ERFE: variants seen among roughly 807,000 people sequenced by gnomAD.
ERFE encodes erythroferrone, also known as complement C1q tumor necrosis factor-related protein 15.
In ERFE, 25 loss-of-function variants were observed where a neutral mutation model predicts 26.6. The observed-to-expected ratio is 0.94, with a 90% confidence interval of 0.69 to 1.31. The LOEUF (loss-of-function observed/expected upper bound fraction) is 1.31, where lower values mean the gene tolerates loss of function less well. Among genes scored for constraint, ERFE ranks in the 40% most tolerant of loss-of-function variants. ERFE has a pLI of 0.00. For synonymous variants in ERFE, 206 were observed against 204.5 expected (o/e 1.01, Z -0.06); for missense variants, 447 against 440.2 (o/e 1.02, Z -0.14).
At chr2:238,166,611 G>A (rs1693039270) in intron 7 of ERFE, among the ~76,000 whole-genome samples, 1 of 152,228 alleles carries the variant, frequency 6.6e-6, no homozygotes, top group Non-Finnish European at 1.5e-5. Context: ...ACTGCCTGTG[G>A]GGAAGGGCCA....
intron 3 of ERFE, among the ~76,000 whole-genome samples, chr2:238,163,377 G>T (rs1243366245): frequency 1.3e-5 from 2 of 152,238 alleles, no homozygotes; most frequent in Admixed American, 1.3e-4. Context: ...TCAATGTCCT[G>T]TTCGTTTAAA....
chr2:238,163,671 G>T (rs1692975655), intron 3 of ERFE, 66 bp from the exon 4 acceptor site: 3 of 1,255,762 alleles, frequency 2.4e-6, no homozygotes, highest in Non-Finnish European at 3.0e-6. Flanking sequence ...TGTCGTTCAG[G>T]GCTGGACCCA....
In ERFE at chr2:238,162,738, C is replaced by T. The variant is rs1433729964; in HGVS notation, c.324C>T (p.Phe108=). The T allele has an allele frequency of 4.0e-5, 62 of 1,543,494 alleles. No homozygotes were observed. The highest frequency in any genetic ancestry group is 1.4e-4 in the Admixed American group (7 of 50,974). The part of the protein sequence containing the change: ...RSRGKAKKLK[F]GLPGPPGPPG... ...TCACTGCCAAGGTTCCCTTTCAGTTCGGCTTGCCAGGGCCCCCTGGGCCTC... is the reference window on the plus strand; with the variant it reads ...TCACTGCCAAGGTTCCCTTTCAGTTTGGCTTGCCAGGGCCCCCTGGGCCTC... Residue 108 remains phenylalanine, a splice_region_variant and synonymous_variant, in exon 3 of 8, where the codon TTC becomes TTT. Coordinates refer to ENST00000546354, the MANE Select transcript of ERFE (RefSeq NM_001291832.2).
At position 238,165,690 on chromosome 2, in the gene ERFE, T is replaced by C. The variant is rs1693023159; in HGVS notation, c.966+6T>C. 1.7e-5 allele frequency: 27 copies of C among 1,546,000 alleles called. No homozygotes were observed. Among genetic ancestry groups the C allele is most frequent in the Non-Finnish European group, 2.3e-5 (26 of 1,143,552 alleles). On this transcript the variant is annotated splice_donor_region_variant and intron_variant, in intron 7 of 7. Transcript: ENST00000546354. ...ATGGCGTCCTGTACCTGCAGGTGAGTGCGGCAGGCTTGGGCATCGAGGGGC... is the reference window on the plus strand; with the variant it reads ...ATGGCGTCCTGTACCTGCAGGTGAGCGCGGCAGGCTTGGGCATCGAGGGGC...
Position 238,163,751 on chromosome 2 carries a change from C to G in ERFE, c.439C>G (p.Arg147Gly). 1 of 1,346,990 alleles carries G rather than the reference C, an allele frequency of 7.4e-7. No homozygotes were observed. Among genetic ancestry groups the G allele is most frequent in the Non-Finnish European group, 9.5e-7 (1 of 1,054,462 alleles). The allele number at this position is 1,346,990 out of a possible 1,614,324, so 83.4% of individuals were successfully genotyped here. The change falls in exon 4 of 8, where the codon CGG becomes GGG. Residue 147 changes from arginine to glycine, a missense_variant. Arg to Gly is a moderately radical substitution (Grantham distance 125, BLOSUM62 -2). Coordinates refer to ENST00000546354, the MANE Select transcript of ERFE (RefSeq NM_001291832.2). ...CTCTGTGCCAGGTGCGGTGCGGCAGCGGGAGCGCGCGGAGCCCGAACCCTG... is the reference window on the plus strand; with the variant it reads ...CTCTGTGCCAGGTGCGGTGCGGCAGGGGGAGCGCGCGGAGCCCGAACCCTG... ...QLLLKGAVRQ[R>G]ERAEPEPCTC...
chr2:238,165,454 G>A (rs1195542328), intron 6 of ERFE, 152 bp from the exon 7 acceptor site: 1 of 625,036 alleles, frequency 1.6e-6, no homozygotes. Context: ...CTCCTCTTGG[G>A]GACTCGGTTC....
chr2:238,164,401 C>T (rs1409053996), intron 6 of ERFE, 41 bp downstream of exon 6: 14 of 1,530,410 alleles, frequency 9.1e-6, no homozygotes, highest in South Asian at 2.4e-5. Flanking sequence ...CGCATTCGCT[C>T]GGCCTCCACA....
At position 238,167,413 on chromosome 2, in the gene ERFE, C is replaced by CTT. The variant is rs1208223576; in HGVS notation, c.*362_*363dup. 1 of 542,276 alleles carries CTT rather than the reference C, an allele frequency of 1.8e-6. No homozygotes were observed. Among genetic ancestry groups the CTT allele is most frequent in the African/African-American group, 1.9e-5 (1 of 53,274 alleles). 33.6% of individuals were successfully genotyped at this position (542,276 alleles called of 1,614,324 possible). A position where few individuals can be genotyped will look rare whatever the true frequency, so the allele number is the denominator to read the frequency against. ...GCGTCTTTCCTGTGCCCAGCCCCAC[C>CTT]TTTTCCACCTCTCTTCATGTTCTCA... On this transcript the variant is annotated 3_prime_UTR_variant, in exon 8 of 8. Transcript: ENST00000546354.
rs1424000713 is a variant in ERFE, at chr2:238,168,813, ATC to A, written c.*1763_*1764del. On this transcript the variant is annotated 3_prime_UTR_variant, in exon 8 of 8. Coordinates refer to ENST00000546354, the MANE Select transcript of ERFE (RefSeq NM_001291832.2). ...ACTCTTGTAAAAGCCACATATCCAC[ATC>A]TCTTTCATTTTTCTCAGTGTGTTAT... 3.9e-5 allele frequency: 3 copies of A among 76,244 alleles called. No homozygotes were observed. Among genetic ancestry groups the A allele is most frequent in the Non-Finnish European group, 7.5e-5 (3 of 39,784 alleles). 4.7% of individuals were successfully genotyped at this position (76,244 alleles called of 1,614,324 possible).
At chr2:238,161,237 G>A (rs1481037322) in intron 1 of ERFE, among the ~76,000 whole-genome samples, 1 of 152,218 alleles carries the variant, frequency 6.6e-6, no homozygotes, top group Non-Finnish European at 1.5e-5. Flanking sequence ...GTGACTGGAG[G>A]ACGGTGTGAT....
chr2:238,166,988 C>G lies in ERFE; in HGVS notation c.999C>G (p.Asn333Lys). The G allele has an allele frequency of 6.4e-7, 1 of 1,550,546 alleles. No homozygotes were observed. The highest frequency in any genetic ancestry group is 8.7e-7 in the Non-Finnish European group (1 of 1,147,006). ...AGTGGACCTCCGTGTTCTTGGACAA[C>G]GCCAGCGGCTGCTCCCTCACAGTGC... ...MGQWTSVFLD[N>K]ASGCSLTVRS... Residue 333 changes from asparagine to lysine, a missense_variant, in exon 8 of 8, where the codon AAC (asparagine) becomes AAG (lysine). Coordinates refer to ENST00000546354, the MANE Select transcript of ERFE (RefSeq NM_001291832.2).
chr2:238,159,053 T>G lies in ERFE; in HGVS notation c.46T>G (p.Tyr16Asp). 2 of 251,640 alleles carry G rather than the reference T, an allele frequency of 7.9e-6. No homozygotes were observed. Among genetic ancestry groups the G allele is most frequent in the Non-Finnish European group, 7.4e-6 (1 of 134,562 alleles). The allele number at this position is 251,640 out of a possible 1,614,324, so 15.6% of individuals were successfully genotyped here. A position where few individuals can be genotyped will look rare whatever the true frequency, so the allele number is the denominator to read the frequency against. The change falls in exon 1 of 8, where the codon TAC becomes GAC. Residue 16 changes from tyrosine to aspartate, a missense_variant. Coordinates refer to ENST00000546354, the MANE Select transcript of ERFE (RefSeq NM_001291832.2). ...RPAGARLLLV[Y>D]AGLLAAAAAG... is the part of the protein sequence containing the mutation. ...CGCCGGAGCCCGCCTGCTGCTCGTC[T>G]ACGCGGGCCTGCTGGCCGCCGCCGC...
Position 238,164,099 on chromosome 2 carries a change from C to T in ERFE, c.712C>T (p.Arg238Cys), listed in dbSNP as rs1692987983. ...YLPDAEGAFR[R>C]GPGLNLTSGQ... ...GCCCGACGCCGAGGGTGCCTTCCGC[C>T]GCGGCCCGGGCCTGAACTTGACCAG... The change falls in exon 5 of 8, where the codon CGC (arginine) becomes TGC (cysteine). Residue 238 changes from arginine to cysteine, a missense_variant. By Grantham distance (180) the Arg-to-Cys change is radical (BLOSUM62 -3). Coordinates refer to ENST00000546354, the MANE Select transcript of ERFE (RefSeq NM_001291832.2). The T allele has an allele frequency of 2.8e-6, 4 of 1,433,260 alleles. No individual in the cohort carries two copies. The highest frequency in any genetic ancestry group is 2.8e-5 in the South Asian group (2 of 72,046). 88.8% of individuals were successfully genotyped at this position (1,433,260 alleles called of 1,614,324 possible).
At chr2:238,163,663 TC>T (rs1402710078) in intron 3 of ERFE, 73 bp from the exon 4 acceptor site, 21 of 1,234,820 alleles carry the variant, frequency 1.7e-5, no homozygotes, top group Non-Finnish European at 1.0e-6. Flanking sequence ...CTAGCACCTG[TC>T]GTTCAGGGCT....
rs1266490147 is a variant in ERFE, at chr2:238,162,769, C to T, written c.355C>T (p.Pro119Ser). ...GCCAGGGCCCCCTGGGCCTCCCGGT[C>T]CCCAGGGCCCCCCAGGCCCCATCAT... ...GLPGPPGPPG[P>S]QGPPGPIIPP... Residue 119 changes from proline to serine, a missense_variant, in exon 3 of 8, where the codon CCC becomes TCC. By Grantham distance (74) the Pro-to-Ser change is moderately conservative (BLOSUM62 -1). Coordinates refer to ENST00000546354, the MANE Select transcript of ERFE (RefSeq NM_001291832.2). 6.5e-7 allele frequency: 1 copy of T among 1,549,704 alleles called. No homozygotes were observed. Among genetic ancestry groups the T allele is most frequent in the East Asian group, 2.4e-5 (1 of 40,928 alleles).
At chr2:238,160,903 T>C (rs1425174582) in intron 1 of ERFE, among the ~76,000 whole-genome samples, 3 of 152,210 alleles carry the variant, frequency 2.0e-5, no homozygotes, top group African/African-American at 7.2e-5. Context: ...CTCCCAAAAC[T>C]GTGCTCAGTG....
Position 238,166,990 on chromosome 2 carries a change from C to T in ERFE, c.1001C>T (p.Ala334Val). The T allele has an allele frequency of 1.3e-6, 2 of 1,550,580 alleles. No individual in the cohort carries two copies. Among genetic ancestry groups the T allele is most frequent in the Non-Finnish European group, 8.7e-7 (1 of 1,147,010 alleles). ...TGGACCTCCGTGTTCTTGGACAACGCCAGCGGCTGCTCCCTCACAGTGCGC... is the reference window on the plus strand; with the variant it reads ...TGGACCTCCGTGTTCTTGGACAACGTCAGCGGCTGCTCCCTCACAGTGCGC... ...GQWTSVFLDN[A>V]SGCSLTVRSG... Residue 334 changes from alanine to valine, a missense_variant, in exon 8 of 8, where the codon GCC becomes GTC. Physicochemically the swap from Ala to Val is moderately conservative, Grantham distance 64. Transcript: ENST00000546354.
Position 238,164,051 on chromosome 2 carries a change from GGTGACCATCC to G in ERFE, c.688-20_688-11del. On this transcript the variant is annotated splice_polypyrimidine_tract_variant and intron_variant, in intron 4 of 7. Coordinates refer to ENST00000546354, the MANE Select transcript of ERFE (RefSeq NM_001291832.2). ...GTGAGTCCGGCCGGGCGGGAGCCGG[GGTGACCATCC>G]GTGCCCCTCGCAGCCCGACGCCGAG... The G allele has an allele frequency of 1.4e-6, 2 of 1,394,592 alleles. No homozygotes were observed. The highest frequency in any genetic ancestry group is 1.9e-6 in the Non-Finnish European group (2 of 1,080,890). The allele number at this position is 1,394,592 out of a possible 1,614,324, so 86.4% of individuals were successfully genotyped here. A position where few individuals can be genotyped will look rare whatever the true frequency, so the allele number is the denominator to read the frequency against.
chr2:238,165,609 C>T lies in ERFE; in HGVS notation c.891C>T (p.Ser297=). The change falls in exon 7 of 8, where the codon TCC becomes TCT. Residue 297 remains serine, a synonymous_variant. Transcript: ENST00000546354. ...CIQSRCQRNA[S]LEAIMGLESS... ...CCTCCCTCTGTTTTGGGTACAGCTC[C>T]CTGGAGGCCATCATGGGCCTGGAGA... The T allele has an allele frequency of 6.5e-7, 1 of 1,548,174 alleles. No homozygotes were observed. Among genetic ancestry groups the T allele is most frequent in the Non-Finnish European group, 8.7e-7 (1 of 1,145,002 alleles).
Sources: gnomAD v4.1 joint callset for allele counts (sites outside exome capture counted in the v4.1 genomes callset) on GRCh38, gnomAD v4.1.1 for gene constraint, MANE v1.5 for transcripts, NCBI Gene and HGNC (gene_info 2026-07-23, HGNC 2026-07-21) for gene names.